SLC30A6: variants seen among roughly 807,000 people sequenced by gnomAD.
SLC30A6 encodes solute carrier family 30 member 6.
A neutral mutation model predicts 63.0 loss-of-function variants in SLC30A6; 55 were observed. The observed-to-expected ratio is 0.87, with a 90% CI of 0.70 to 1.09. The LOEUF is 1.09. Among genes scored for constraint, SLC30A6 ranks in the 50% least tolerant of loss-of-function variants. SLC30A6 has a pLI of 0.00. For missense variants in SLC30A6, 587 were observed against 549.2 expected, an observed-to-expected ratio of 1.07 and a Z score of -0.69; for synonymous variants, 224 against 186.1, an observed-to-expected ratio of 1.20 and a Z score of -1.66.
At chr2:32,214,890 G>A (rs988019527) in intron 13 of SLC30A6, among the ~76,000 whole-genome samples, 2 of 152,160 alleles carry the variant, frequency 1.3e-5, no homozygotes, top group Non-Finnish European at 2.9e-5. Context: ...GAATGGTAGT[G>A]GCAAAAGAAA....
At chr2:32,215,197 T>C (rs1224666870) in intron 13 of SLC30A6, among the ~76,000 whole-genome samples, 1 of 152,128 alleles carries the variant, frequency 6.6e-6, no homozygotes, top group African/African-American at 2.4e-5. Flanking sequence ...TTTAATTTTA[T>C]TTACTCTCTT....
At chr2:32,177,758 T>G (rs538089418) in intron 4 of SLC30A6, among the ~76,000 whole-genome samples, 2 of 151,792 alleles carry the variant, frequency 1.3e-5, no homozygotes, top group South Asian at 2.1e-4. Flanking sequence ...CCTCCCAAAG[T>G]GCTGGGATTA....
intron 5 of SLC30A6, among the ~76,000 whole-genome samples, chr2:32,186,796 A>C (rs927221111): frequency 4.0e-5 from 6 of 151,828 alleles, no homozygotes; most frequent in Admixed American, 1.3e-4. Flanking sequence ...TAGGAGTTTG[A>C]GACCATCCTG....
chr2:32,176,600 G>A (rs1681766057), intron 4 of SLC30A6, among the ~76,000 whole-genome samples: 1 of 150,984 alleles, frequency 6.6e-6, no homozygotes, highest in East Asian at 2.0e-4. Context: ...AGAGGTTGCA[G>A]TGAGCTGAGA....
intron 1 of SLC30A6, among the ~76,000 whole-genome samples, chr2:32,169,027 CAGA>C (rs967354423): frequency 1.3e-5 from 2 of 152,012 alleles, no homozygotes; most frequent in African/African-American, 4.8e-5. Flanking sequence ...TAGGGTTAAA[CAGA>C]AGATGTCCAA....
intron 5 of SLC30A6, among the ~76,000 whole-genome samples, chr2:32,187,535 C>T (rs936230428): frequency 3.3e-5 from 5 of 152,144 alleles, no homozygotes; most frequent in Admixed American, 2.6e-4. Flanking sequence ...AAGTTAAACA[C>T]TCAAATATAT....
chr2:32,203,193 C>G, intron 10 of SLC30A6: 1 of 1,176,300 alleles, frequency 8.5e-7, no homozygotes, highest in African/African-American at 1.5e-5. Flanking sequence ...TCATGGTTCT[C>G]CTCCTCAGGA....
In SLC30A6 at chr2:32,177,177, C is replaced by T. The variant is rs537530611; in HGVS notation, c.218+1816C>T. ...CATTCTCTTCTCCAGCCCTAGGCAA[C>T]CACTGATCAGTTTTTTCTCGCGATA... On this transcript the variant is annotated intron_variant, in intron 4 of 13. Transcript: ENST00000282587. Among the ~76,000 whole-genome samples, 21 of 152,306 alleles carry T rather than the reference C, an allele frequency of 1.4e-4. No individual in the cohort carries two copies. The South Asian group carries it at 4.3e-3, about 32-fold the overall frequency.
chr2:32,220,710 A>G lies in SLC30A6; in HGVS notation c.1383A>G (p.Pro461=), dbSNP rs1445276310. Residue 461 remains proline (P), a synonymous_variant, in exon 14 of 14, where the codon CCA becomes CCG. Transcript: ENST00000282587. ...ATAATAGAATTGGACAACCAAGACC[A>G]TGATAGACTCTAACTTATTTTTATA... The part of the protein sequence containing the change: ...GTNNRIGQPR[P] The G allele has an allele frequency of 1.2e-6, 2 of 1,607,180 alleles. No homozygotes were observed. The highest frequency in any genetic ancestry group is 1.1e-5 in the South Asian group (1 of 90,518).
At chr2:32,179,539 A>G (rs529775917) in intron 4 of SLC30A6, among the ~76,000 whole-genome samples, 1 of 152,332 alleles carries the variant, frequency 6.6e-6, no homozygotes, top group African/African-American at 2.4e-5. Context: ...GGACCCAAGA[A>G]TTTGCATTTC....
chr2:32,206,164 C>T (rs540990335), intron 11 of SLC30A6, among the ~76,000 whole-genome samples: 9 of 151,464 alleles, frequency 5.9e-5, no homozygotes, highest in Non-Finnish European at 1.3e-4. Context: ...AGGCAGTTTC[C>T]GGCCGGGCGC....
intron 5 of SLC30A6, 100 bp from the exon 6 acceptor site, chr2:32,192,236 G>A (rs1683392816): frequency 9.9e-7 from 1 of 1,008,732 alleles, no homozygotes; most frequent in African/African-American, 1.6e-5. Context: ...CAGCACATAT[G>A]TATATTAAGT....
Position 32,210,651 on chromosome 2 carries a change from CAGAT to C in SLC30A6, c.885+1093_885+1096del, listed in dbSNP as rs763899904. 8.0e-4 allele frequency among the ~76,000 whole-genome samples: 120 copies of C among 149,270 alleles called. 1 individual carries two copies. Among genetic ancestry groups the C allele is most frequent in the African/African-American group, 2.6e-3 (107 of 40,650 alleles). The stretch of plus-strand genomic sequence containing the variant: ...TCTTCTACAGTATCATTAAAAAAAA[CAGAT>C]AGGGTTTGATTTTTCTAATATAACA... On this transcript the variant is annotated intron_variant, in intron 13 of 13. Coordinates refer to ENST00000282587, the MANE Select transcript of SLC30A6 (RefSeq NM_017964.5).
chr2:32,218,798 C>T (rs1046973777), intron 13 of SLC30A6, among the ~76,000 whole-genome samples: 1 of 152,106 alleles, frequency 6.6e-6, no homozygotes, highest in African/African-American at 2.4e-5. Context: ...CTCAGGTGAT[C>T]CACCTGCCTT....
chr2:32,197,822 A>T lies in SLC30A6; in HGVS notation c.661A>T (p.Ile221Phe). ...TTGTATTACATATATGCTCATTGAA[A>T]TTAAGTGAGTATTTTTTATTGTTGT... ...ALCITYMLIEINNYFAVDTAS... is the reference protein window; with the variant it reads ...ALCITYMLIEFNNYFAVDTAS... Residue 221 changes from isoleucine (I) to phenylalanine (F), a missense_variant, in exon 10 of 14, where the codon ATT becomes TTT. Coordinates refer to ENST00000282587, the MANE Select transcript of SLC30A6 (RefSeq NM_017964.5). 1 of 1,613,536 alleles carries T rather than the reference A, an allele frequency of 6.2e-7. No homozygotes were observed. Among genetic ancestry groups the T allele is most frequent in the Non-Finnish European group, 8.5e-7 (1 of 1,179,802 alleles).
rs569316541 is a variant in SLC30A6 at position 32,209,565 on chromosome 2, T to A, written c.885+4T>A. The A allele has an allele frequency of 1.2e-6, 2 of 1,605,958 alleles. No individual in the cohort carries two copies. Among genetic ancestry groups the A allele is most frequent in the East Asian group, 4.5e-5 (2 of 44,770 alleles). ...GACCCTAGGTTTTGGCTCATTGGTATGTTCTTTTACATATGACTTTAGTTA... is the reference window on the plus strand; with the variant it reads ...GACCCTAGGTTTTGGCTCATTGGTAAGTTCTTTTACATATGACTTTAGTTA... On this transcript the variant is annotated splice_donor_region_variant and intron_variant, in intron 13 of 13. Coordinates refer to ENST00000282587, the MANE Select transcript of SLC30A6 (RefSeq NM_017964.5).
chr2:32,178,325 T>C (rs1356126632), intron 4 of SLC30A6, among the ~76,000 whole-genome samples: 1 of 152,120 alleles, frequency 6.6e-6, no homozygotes, highest in Non-Finnish European at 1.5e-5. Context: ...TGTCCTATCA[T>C]CATTTGTTGA....
At chr2:32,219,298 A>C (rs920815942) in intron 13 of SLC30A6, among the ~76,000 whole-genome samples, 10 of 151,404 alleles carry the variant, frequency 6.6e-5, no homozygotes, top group African/African-American at 2.2e-4. Context: ...AGCCTCCCAA[A>C]GTGCTGGGAT....
chr2:32,171,785 C>T (rs1052799032), intron 2 of SLC30A6, among the ~76,000 whole-genome samples: 43 of 151,890 alleles, frequency 2.8e-4, no homozygotes, highest in African/African-American at 9.9e-4. Context: ...CTCTGCCTCC[C>T]GGGTTCAAGC....
Sources: gnomAD v4.1 joint callset for allele counts (sites outside exome capture counted in the v4.1 genomes callset) on GRCh38, gnomAD v4.1.1 for gene constraint, MANE v1.5 for transcripts, NCBI Gene and HGNC (gene_info 2026-07-23, HGNC 2026-07-21) for gene names.